The following IFFO1 variants were observed in gnomAD, a reference collection of about 807,000 sequenced individuals.
The protein encoded by IFFO1 is non-homologous end joining factor IFFO1.
In IFFO1, 42 loss-of-function variants were observed where a neutral mutation model predicts 59.6. The ratio of observed to expected loss-of-function variants is 0.70; its 90% CI spans 0.55 to 0.91. The LOEUF (loss-of-function observed/expected upper bound fraction) is 0.91. IFFO1 is among the 40% of genes least tolerant of loss of function. IFFO1 has a pLI of 0.00. For missense variants in IFFO1, 711 were observed against 793.2 expected (o/e 0.90, Z 1.24); for synonymous variants, 336 against 342.8 (o/e 0.98, Z 0.22).
In IFFO1 at chr12:6,549,566, G is replaced by A; in HGVS notation, c.1072-82C>T. 2 of 1,337,440 alleles carry A rather than the reference G, an allele frequency of 1.5e-6. No homozygotes were observed. 82.8% of individuals were successfully genotyped at this position (1,337,440 alleles called of 1,614,324 possible). A position where few individuals can be genotyped will look rare whatever the true frequency, so the allele number is the denominator to read the frequency against. On this transcript the variant is annotated intron_variant, in intron 4 of 9. Transcript: ENST00000619571. The surrounding 1 kb of genome is among the most constrained non-coding windows in gnomAD (Gnocchi z 5.0). ...GAGAGAGAGGGGGAAGGGAGAGACGGCGTTAGAGACAGCTTCCACGATGCC... is the reference window on the plus strand; with the variant it reads ...GAGAGAGAGGGGGAAGGGAGAGACGACGTTAGAGACAGCTTCCACGATGCC...
chr12:6,552,849 T>G (rs1947288714), intron 1 of IFFO1, among the ~76,000 whole-genome samples: 1 of 152,214 alleles, frequency 6.6e-6, no homozygotes, highest in Admixed American at 6.5e-5. Context: ...CATTTTCACC[T>G]CCATTTCCAT....
At position 6,555,473 on chromosome 12, in the gene IFFO1, G is replaced by T; in HGVS notation, c.557C>A (p.Ser186Tyr). 1 of 1,612,562 alleles carries T rather than the reference G, an allele frequency of 6.2e-7. No homozygotes were observed. The highest frequency in any genetic ancestry group is 8.5e-7 in the Non-Finnish European group (1 of 1,179,302). The change falls in exon 1 of 10, where the codon TCC becomes TAC. Residue 186 changes from serine to tyrosine, a missense_variant. This residue lies in a region of IFFO1 where 579 missense variants were observed against 650.3 expected (regional missense o/e 0.89). Transcript: ENST00000619571. The surrounding 1 kb of genome is among the most constrained non-coding windows in gnomAD (Gnocchi z 8.6). The stretch of plus-strand genomic sequence containing the variant: ...GCCGGGCATGAAGCGGGCCGACGAG[G>T]AATAGGTGGTGGAGGTGGAGGTGGA... ...SSSTSTSTTY[S>Y]SSARFMPGTI...
Position 6,548,110 on chromosome 12 carries a change from G to A in IFFO1, c.1434C>T (p.Phe478=). Residue 478 remains phenylalanine (F), a synonymous_variant, in exon 8 of 10, where the codon TTC becomes TTT. Transcript: ENST00000619571. This position sits in a 1 kb window ranked among gnomAD's most constrained non-coding sequence, Gnocchi z 6.1. ...CCTGATACTCCTTCTCCCGGGTTTT[G>A]AACAGGGACTCCGTATCTTTAATCA... ...EKVIKDTESL[F]KTREKEYQET... 1 of 1,614,058 alleles carries A rather than the reference G, an allele frequency of 6.2e-7. No homozygotes were observed. The highest frequency in any genetic ancestry group is 1.1e-5 in the South Asian group (1 of 91,072).
At chr12:6,543,281 C>T (rs1946801726) in intron 8 of IFFO1, among the ~76,000 whole-genome samples, 1 of 152,172 alleles carries the variant, frequency 6.6e-6, no homozygotes, top group Non-Finnish European at 1.5e-5. Context: ...TCCCCAAACC[C>T]CAGGCCACGG....
chr12:6,552,757 G>A (rs546983718), intron 1 of IFFO1, among the ~76,000 whole-genome samples: 6 of 152,040 alleles, frequency 3.9e-5, no homozygotes, highest in Non-Finnish European at 7.4e-5. Flanking sequence ...ATCTTACAGG[G>A]TAAAAAAAAT....
At chr12:6,546,729 T>C (rs1189896773) in intron 8 of IFFO1, among the ~76,000 whole-genome samples, 1 of 152,122 alleles carries the variant, frequency 6.6e-6, no homozygotes, top group East Asian at 1.9e-4. Context: ...GACCTCGTGA[T>C]CTTCCCGCCT....
rs572039924 is a variant in IFFO1, at chr12:6,547,270, G to A, written c.1479+795C>T. Reference sequence around the variant, plus strand: ...TGTAAAAAAAATCAAAAAATTAGCCGGGCGTGGTAGCACACGCCTGTGGTC... The same window carrying A: ...TGTAAAAAAAATCAAAAAATTAGCCAGGCGTGGTAGCACACGCCTGTGGTC... On this transcript the variant is annotated intron_variant, in intron 8 of 9. Transcript: ENST00000619571. Among the ~76,000 whole-genome samples the A allele has an allele frequency of 9.2e-5, 14 of 152,150 alleles. No individual in the cohort carries two copies. The South Asian group carries it at 1.2e-3, about 14-fold the overall frequency.
Position 6,555,903 on chromosome 12 carries a change from G to T in IFFO1, c.127C>A (p.Leu43Ile). Residue 43 changes from leucine to isoleucine, a missense_variant, in exon 1 of 10, where the codon CTC becomes ATC. By Grantham distance (5) the Leu-to-Ile change is conservative. Coordinates refer to ENST00000619571, the MANE Select transcript of IFFO1 (RefSeq NM_001193457.2). This position sits in a 1 kb window ranked among gnomAD's most constrained non-coding sequence, Gnocchi z 8.6. Reference protein sequence around the residue: ...AGGGDLPPAPLSPAGPAAYSP... With the variant: ...AGGGDLPPAPISPAGPAAYSP... The stretch of plus-strand genomic sequence containing the variant: ...TAGGCAGCAGGGCCGGCCGGCGAGA[G>T]AGGCGCCGGGGGCAAGTCTCCTCCC... The T allele has an allele frequency of 6.4e-7, 1 of 1,557,538 alleles. No individual in the cohort carries two copies.
chr12:6,540,729 G>GCGGCAGGGAC (rs1946671824), intron 9 of IFFO1, 141 bp from the exon 10 acceptor site: 2 of 728,460 alleles, frequency 2.7e-6, no homozygotes, highest in Admixed American at 4.7e-5. Flanking sequence ...TGGCGAGGGA[G>GCGGCAGGGAC]CGGCAGGGAC....
intron 1 of IFFO1, among the ~76,000 whole-genome samples, chr12:6,554,917 T>A (rs1216987008): frequency 6.6e-6 from 1 of 152,180 alleles, no homozygotes; most frequent in Non-Finnish European, 1.5e-5. Flanking sequence ...GAAGTTTATA[T>A]CCCTAACCTG....
Position 6,543,132 on chromosome 12 carries a change from C to T in IFFO1, c.1480-1490G>A, listed in dbSNP as rs548514948. 5.9e-5 allele frequency among the ~76,000 whole-genome samples: 9 copies of T among 152,212 alleles called. No individual in the cohort carries two copies. The South Asian group carries it at 6.2e-4, about 11-fold the overall frequency. ...GTGAGGAGCGGTGGGGAAGAACTGCCTCCCGCCCACCACTCTGGGCCTTGG... is the reference window on the plus strand; with the variant it reads ...GTGAGGAGCGGTGGGGAAGAACTGCTTCCCGCCCACCACTCTGGGCCTTGG... On this transcript the variant is annotated intron_variant, in intron 8 of 9. Transcript: ENST00000619571.
chr12:6,550,396 G>C (rs1592219018), intron 3 of IFFO1: 1 of 503,522 alleles, frequency 2.0e-6, no homozygotes, highest in East Asian at 3.3e-5. Context: ...GGCCTCAGAG[G>C]CTGAGGAATC....
chr12:6,550,773 A>G lies in IFFO1; in HGVS notation c.852T>C (p.Asp284=). 1.9e-6 allele frequency: 3 copies of G among 1,614,144 alleles called. No individual in the cohort carries two copies. Among genetic ancestry groups the G allele is most frequent in the Non-Finnish European group, 2.5e-6 (3 of 1,179,998 alleles). ...NELQEEAQEA[D]ACQEELALKV... ...TCAGTGCCAGCTCCTCCTGGCAGGC[A>G]TCAGCCTCCTGGGCTTCCTGCAGTT... The change falls in exon 3 of 10, where the codon GAT becomes GAC. Residue 284 remains aspartate, a synonymous_variant. Transcript: ENST00000619571.
rs920089615 is a variant in IFFO1 at position 6,555,092 on chromosome 12, C to T, written c.773+165G>A. On this transcript the variant is annotated intron_variant, in intron 1 of 9. Coordinates refer to ENST00000619571, the MANE Select transcript of IFFO1 (RefSeq NM_001193457.2). The surrounding 1 kb of genome is among the most constrained non-coding windows in gnomAD (Gnocchi z 8.6). ...ACGAGCAGGGCTTCTGCATTCTCTG[C>T]GGATTCTAGTCTCCCTGCATCCAAT... Among the ~76,000 whole-genome samples, 1 of 152,236 alleles carries T rather than the reference C, an allele frequency of 6.6e-6. No individual in the cohort carries two copies. Among genetic ancestry groups the T allele is most frequent in the African/African-American group, 2.4e-5 (1 of 41,456 alleles).
At chr12:6,550,288 C>T (rs1947176160) in intron 3 of IFFO1, 2 of 333,518 alleles carry the variant, frequency 6.0e-6, no homozygotes, top group Non-Finnish European at 5.6e-6. Context: ...TAACACTCTT[C>T]CAGCTAACAC....
At chr12:6,552,877 G>C (rs993539345) in intron 1 of IFFO1, among the ~76,000 whole-genome samples, 4 of 152,128 alleles carry the variant, frequency 2.6e-5, no homozygotes, top group Non-Finnish European at 5.9e-5. Flanking sequence ...CACTTATAAG[G>C]TTCCCTTAAC....
chr12:6,545,571 G>A (rs967164326), intron 8 of IFFO1, among the ~76,000 whole-genome samples: 2 of 151,882 alleles, frequency 1.3e-5, no homozygotes, highest in African/African-American at 2.4e-5. Context: ...GATGGCGGGC[G>A]CCTGTAGTCC....
chr12:6,550,689 A>G lies in IFFO1; in HGVS notation c.930+6T>C. 6.2e-7 allele frequency: 1 copy of G among 1,611,096 alleles called. No individual in the cohort carries two copies. Among genetic ancestry groups the G allele is most frequent in the Non-Finnish European group, 8.5e-7 (1 of 1,177,278 alleles). On this transcript the variant is annotated splice_donor_region_variant and intron_variant, in intron 3 of 9. Transcript: ENST00000619571. ...CGACCCTCGGGAAGCCTGGGGCTGC[A>G]CTCACGTTACTCATGAGCCCCTTGA...
At chr12:6,550,096 G>A (rs1041454248) in intron 3 of IFFO1, 200 bp from the exon 4 acceptor site, 61 of 549,768 alleles carry the variant, frequency 1.1e-4, no homozygotes, top group African/African-American at 6.8e-4. Flanking sequence ...GGCATGGGGC[G>A]GCTCGGGCCA....
Sources: allele counts gnomAD v4.1 joint callset (sites outside exome capture counted in the v4.1 genomes callset), GRCh38; gene constraint gnomAD v4.1.1; regional missense constraint gnomAD v4.1.1; non-coding constraint Gnocchi (gnomAD v3.1); transcripts MANE v1.5; gene names NCBI Gene and HGNC (gene_info 2026-07-23, HGNC 2026-07-21).